Variants in CNIH3 observed in about 807,000 individuals in gnomAD.
CNIH3 encodes protein cornichon homolog 3.
In CNIH3, 14 loss-of-function variants were observed where a neutral mutation model predicts 24.1. The ratio of observed to expected loss-of-function variants is 0.58; its 90% CI spans 0.38 to 0.91. CNIH3 has a LOEUF of 0.91. CNIH3 is among the 40% of genes least tolerant of loss of function. The probability of loss-of-function intolerance (pLI) is 0.00; values close to 1 mark genes in which losing one functional copy is unlikely to be tolerated. For missense variants in CNIH3, 178 were observed against 196.8 expected, an observed-to-expected ratio of 0.90 and a Z score of 0.57; for synonymous variants, 68 against 73.8, an observed-to-expected ratio of 0.92 and a Z score of 0.40.
intron 1 of CNIH3, among the ~76,000 whole-genome samples, chr1:224,655,856 A>G (rs1685072152): frequency 6.6e-6 from 1 of 152,188 alleles, no homozygotes; most frequent in African/African-American, 2.4e-5. Context: ...TGCATGGGAA[A>G]GCAGGAATTA....
intron 2 of CNIH3, among the ~76,000 whole-genome samples, chr1:224,682,159 C>A (rs1395991106): frequency 6.6e-6 from 1 of 152,080 alleles, no homozygotes; most frequent in African/African-American, 2.4e-5. Flanking sequence ...ATTCAGTGTC[C>A]CTTTCTATAG....
chr1:224,541,726 A>T (rs972324706), downstream of CNIH3, among the ~76,000 whole-genome samples: 6 of 152,202 alleles, frequency 3.9e-5, no homozygotes, highest in Non-Finnish European at 7.4e-5. Context: ...TTTAGAGAAG[A>T]TTCACAAATT....
chr1:224,693,097 T>C (rs936020579), intron 3 of CNIH3, among the ~76,000 whole-genome samples: 1 of 152,214 alleles, frequency 6.6e-6, no homozygotes, highest in African/African-American at 2.4e-5. Flanking sequence ...TCAGAAACCA[T>C]GTCTCATGTA....
intron 2 of CNIH3, among the ~76,000 whole-genome samples, chr1:224,545,179 G>T (rs1175282263): frequency 6.6e-6 from 1 of 152,214 alleles, no homozygotes; most frequent in Non-Finnish European, 1.5e-5. Flanking sequence ...GTGTGCAGAA[G>T]CTCCCCAAAG....
chr1:224,583,463 G>C (rs1681363164), intron 5 of CNIH3, among the ~76,000 whole-genome samples: 1 of 152,170 alleles, frequency 6.6e-6, no homozygotes, highest in South Asian at 2.1e-4. Context: ...CAGCAGGTAA[G>C]AGACACCCAT....
chr1:224,737,325 C>T (rs1689647428), intron 5 of CNIH3, among the ~76,000 whole-genome samples: 3 of 152,070 alleles, frequency 2.0e-5, no homozygotes, highest in Admixed American at 1.3e-4. Context: ...ACTGTTTGTC[C>T]TCTAATTCAT....
chr1:224,519,046 A>C (rs1248043902), intron 1 of CNIH3, among the ~76,000 whole-genome samples: 1 of 152,224 alleles, frequency 6.6e-6, no homozygotes, highest in Non-Finnish European at 1.5e-5. Flanking sequence ...TGCAGATGAA[A>C]TGAGGTAAAG....
chr1:224,620,788 C>T (rs1219328359), intron 1 of CNIH3, among the ~76,000 whole-genome samples: 1 of 151,824 alleles, frequency 6.6e-6, no homozygotes. Context: ...TCACTTGAGC[C>T]TAGGAGTTTG....
intron 3 of CNIH3, among the ~76,000 whole-genome samples, chr1:224,722,593 A>G (rs922539881): frequency 5.3e-5 from 8 of 152,164 alleles, no homozygotes; most frequent in Admixed American, 5.2e-4. Flanking sequence ...CAGGGTTCTC[A>G]GTGGCTTACG....
At chr1:224,635,071 T>G (rs1684021590) in intron 1 of CNIH3, among the ~76,000 whole-genome samples, 1 of 152,202 alleles carries the variant, frequency 6.6e-6, no homozygotes, top group Non-Finnish European at 1.5e-5. Context: ...CTCACAGTTC[T>G]GCATGGCTGG....
chr1:224,491,522 A>G (rs4559465), intron 1 of CNIH3, among the ~76,000 whole-genome samples: 11,665 of 152,148 alleles, frequency 0.077, 1,448 homozygotes, highest in African/African-American at 0.26. Flanking sequence ...TCTCTTACTA[A>G]TTATTGTATG....
chr1:224,465,692 T>G (rs1676126972), intron 1 of CNIH3, among the ~76,000 whole-genome samples: 1 of 152,140 alleles, frequency 6.6e-6, no homozygotes, highest in African/African-American at 2.4e-5. Flanking sequence ...TCACCCCTCC[T>G]CCCTCAATGT....
intron 3 of CNIH3, among the ~76,000 whole-genome samples, chr1:224,602,046 TTTGGATA>T (rs559107340): frequency 2.6e-4 from 40 of 152,374 alleles, no homozygotes; most frequent in South Asian, 1.9e-3. Flanking sequence ...TGTATATTAT[TTTGGATA>T]TTATTCCTTC....
At chr1:224,448,257 A>G (rs1200387084) in intron 1 of CNIH3, among the ~76,000 whole-genome samples, 1 of 81,306 alleles carries the variant, frequency 1.2e-5, no homozygotes, top group East Asian at 2.0e-4. Flanking sequence ...CACAAAAAAA[A>G]TCAGAAATAA....
intron 1 of CNIH3, among the ~76,000 whole-genome samples, chr1:224,646,271 C>A (rs1684602359): frequency 6.6e-6 from 1 of 152,202 alleles, no homozygotes; most frequent in Admixed American, 6.5e-5. Flanking sequence ...TTCTGCCAAC[C>A]TAAAGAAAGA....
chr1:224,645,591 G>A (rs1244625346), intron 1 of CNIH3, among the ~76,000 whole-genome samples: 1 of 152,254 alleles, frequency 6.6e-6, no homozygotes, highest in Non-Finnish European at 1.5e-5. Flanking sequence ...GGTGGGTGGT[G>A]AGGTTTAGGC....
chr1:224,436,850 C>T (rs905173121), intron 1 of CNIH3: 2 of 152,252 alleles, frequency 1.3e-5, no homozygotes, highest in African/African-American at 4.8e-5. Context: ...TTCTTTTTGG[C>T]TTCATCTCTT....
chr1:224,608,994 T>C (rs930494259), intron 3 of CNIH3, among the ~76,000 whole-genome samples: 3 of 152,186 alleles, frequency 2.0e-5, no homozygotes, highest in Non-Finnish European at 4.4e-5. Flanking sequence ...GTTTCAGGTG[T>C]TTCTATCTGT....
intron 5 of CNIH3, among the ~76,000 whole-genome samples, 191 bp downstream of exon 5, chr1:224,734,897 A>T (rs1007642800): frequency 2.0e-5 from 3 of 152,178 alleles, no homozygotes; most frequent in Non-Finnish European, 4.4e-5. Context: ...AGGGGGCAGG[A>T]GATCCTGCAG....
Sources: allele counts gnomAD v4.1 joint callset (sites outside exome capture counted in the v4.1 genomes callset), GRCh38; gene constraint gnomAD v4.1.1; transcripts MANE v1.5; gene names NCBI Gene and HGNC (gene_info 2026-07-23, HGNC 2026-07-21).